The following SYN2 variants were observed in gnomAD, a reference collection of about 807,000 sequenced individuals.
The protein encoded by SYN2 is synapsin II.
SYN2 carries 19 observed loss-of-function variants against 50.9 expected under a neutral mutation model. That is an observed-to-expected ratio of 0.37 (90% CI 0.26 to 0.55). The LOEUF is 0.55. SYN2 is among the 20% of genes least tolerant of loss of function. SYN2 has a pLI of 0.81. For synonymous variants in SYN2, 255 were observed against 224.9 expected (o/e 1.13, Z -1.20); for missense variants, 587 against 576.4 (o/e 1.02, Z -0.19).
intron 1 of SYN2, among the ~76,000 whole-genome samples, chr3:12,084,936 C>T (rs1474912633): frequency 6.6e-6 from 1 of 151,436 alleles, no homozygotes; most frequent in Non-Finnish European, 1.5e-5. Context: ...TGCAGGAAAT[C>T]ATTAAATCAC....
At chr3:12,070,688 T>G (rs190135490) in intron 1 of SYN2, 2 of 1,116,048 alleles carry the variant, frequency 1.8e-6, no homozygotes, top group Non-Finnish European at 2.6e-6. Flanking sequence ...CCACTGGCAT[T>G]GTTAATGGAC....
Position 12,056,907 on chromosome 3 carries a change from C to T in SYN2, c.377+51979C>T, listed in dbSNP as rs920463974. Among the ~76,000 whole-genome samples the T allele has an allele frequency of 3.3e-5, 5 of 152,022 alleles. No individual in the cohort carries two copies. The South Asian group carries it at 8.3e-4, about 25-fold the overall frequency. On this transcript the variant is annotated intron_variant, in intron 1 of 12. Coordinates refer to ENST00000621198, the MANE Select transcript of SYN2 (RefSeq NM_133625.6). ...TATATGGAAACATGTATATTCTCAC[C>T]CTCTCAACTAATCTGTTATATAAAA...
chr3:12,137,757 A>G (rs1452726948), intron 1 of SYN2, among the ~76,000 whole-genome samples: 2 of 152,236 alleles, frequency 1.3e-5, no homozygotes, highest in East Asian at 1.9e-4. Context: ...TGAAGCATAT[A>G]TGTATGCAGG....
At chr3:12,146,618 A>G (rs1372810684) in intron 4 of SYN2, among the ~76,000 whole-genome samples, 2 of 152,238 alleles carry the variant, frequency 1.3e-5, no homozygotes, top group Non-Finnish European at 2.9e-5. Flanking sequence ...GGATTTCTCT[A>G]CATCCCACTG....
chr3:12,052,866 T>C (rs2125156423), intron 1 of SYN2, among the ~76,000 whole-genome samples: 1 of 152,332 alleles, frequency 6.6e-6, no homozygotes, highest in Middle Eastern at 3.4e-3. Context: ...GTTAGGAGAT[T>C]TGAACTCACA....
At chr3:12,147,433 G>T (rs1047905400) in intron 4 of SYN2, among the ~76,000 whole-genome samples, 11 of 152,168 alleles carry the variant, frequency 7.2e-5, no homozygotes, top group Non-Finnish European at 1.5e-4. Context: ...CTTCTGCGTG[G>T]CCTGAGGCAT....
intron 4 of SYN2, among the ~76,000 whole-genome samples, chr3:12,146,982 C>T (rs1460321359): frequency 6.6e-6 from 1 of 152,182 alleles, no homozygotes; most frequent in Non-Finnish European, 1.5e-5. Context: ...GTGAGGCCCC[C>T]TTCCCCCAGG....
At chr3:12,074,251 A>G (rs1695423519) in intron 1 of SYN2, among the ~76,000 whole-genome samples, 1 of 152,170 alleles carries the variant, frequency 6.6e-6, no homozygotes, top group African/African-American at 2.4e-5. Context: ...AAAACAGCCT[A>G]TAAATGAATT....
Position 12,168,417 on chromosome 3 carries a change from G to A in SYN2, c.1097G>A (p.Gly366Asp). Residue 366 changes from glycine (G) to aspartate (D), a missense_variant, in exon 9 of 13, where the codon GGC becomes GAC. Gly to Asp is a moderately conservative substitution (Grantham distance 94). Coordinates refer to ENST00000621198, the MANE Select transcript of SYN2 (RefSeq NM_133625.6). ...GACACCTGCTCTGAGATGTTTGGCG[G>A]CCTGGACATCTGTGCTGTCAAAGCT... The part of the protein sequence containing the change: ...WVDTCSEMFG[G>D]LDICAVKAVH... 1 of 1,613,996 alleles carries A rather than the reference G, an allele frequency of 6.2e-7. No individual in the cohort carries two copies. The highest frequency in any genetic ancestry group is 2.2e-5 in the East Asian group (1 of 44,878).
chr3:12,143,248 A>G (rs1435375328), intron 3 of SYN2, among the ~76,000 whole-genome samples: 2 of 152,156 alleles, frequency 1.3e-5, no homozygotes, highest in Non-Finnish European at 2.9e-5. Flanking sequence ...CTGGGACACA[A>G]GAAGGTCAGA....
At chr3:12,064,984 A>G (rs1184642090) in intron 1 of SYN2, among the ~76,000 whole-genome samples, 1 of 152,202 alleles carries the variant, frequency 6.6e-6, no homozygotes, top group African/African-American at 2.4e-5. Flanking sequence ...CAACTGTTAA[A>G]TGGGTAAACA....
chr3:12,092,757 T>G (rs758090007), intron 1 of SYN2, among the ~76,000 whole-genome samples: 1 of 152,204 alleles, frequency 6.6e-6, no homozygotes, highest in Non-Finnish European at 1.5e-5. Flanking sequence ...TTTTGTATAG[T>G]TGGTACACAA....
At chr3:12,040,998 T>C (rs1694599703) in intron 1 of SYN2, among the ~76,000 whole-genome samples, 1 of 152,212 alleles carries the variant, frequency 6.6e-6, no homozygotes, top group African/African-American at 2.4e-5. Context: ...ATTTTGTTTC[T>C]ACTTCTCAGA....
chr3:12,183,597 G>C, intron 11 of SYN2: 4 of 1,474,036 alleles, frequency 2.7e-6, no homozygotes, highest in Non-Finnish European at 3.6e-6. Flanking sequence ...CAGCTCCTCT[G>C]TCTGGTTGTT....
intron 1 of SYN2, among the ~76,000 whole-genome samples, chr3:12,015,249 G>C (rs1694002823): frequency 6.6e-6 from 1 of 152,126 alleles, no homozygotes; most frequent in African/African-American, 2.4e-5. Flanking sequence ...ATTTGTGTTA[G>C]AAACCACAAT....
At chr3:12,153,779 G>C (rs775316237) in intron 5 of SYN2, 141 of 1,551,650 alleles carry the variant, frequency 9.1e-5, no homozygotes, top group Middle Eastern at 3.4e-4. Flanking sequence ...CTGCCTTTCA[G>C]ATTCCTACGT....
Position 12,190,555 on chromosome 3 carries a change from A to T in SYN2, c.1679A>T (p.Asn560Ile). Reference sequence around the variant, plus strand: ...TCCTCCTTCTTCCGGTCTTCAGCCAATGAGGATGAAGCCAAAGCAGAGACC... The same window carrying T: ...TCCTCCTTCTTCCGGTCTTCAGCCATTGAGGATGAAGCCAAAGCAGAGACC... ...SESSFFRSSA[N>I]EDEAKAETIR... Residue 560 changes from asparagine (N) to isoleucine (I), a missense_variant, in exon 13 of 13, where the codon AAT becomes ATT. Transcript: ENST00000621198. The T allele has an allele frequency of 6.2e-7, 1 of 1,613,434 alleles. No homozygotes were observed. Among genetic ancestry groups the T allele is most frequent in the South Asian group, 1.1e-5 (1 of 90,964 alleles).
At position 12,080,771 on chromosome 3, in the gene SYN2, T is replaced by C. The variant is rs1245899241; in HGVS notation, c.378-59880T>C. Among the ~76,000 whole-genome samples, 6 of 152,214 alleles carry C rather than the reference T, an allele frequency of 3.9e-5. No individual in the cohort carries two copies. In the East Asian group the frequency reaches 1.2e-3, roughly 29 times the overall value. Reference sequence around the variant, plus strand: ...GTGCCATGTGGCACTGAGAAGAATGTGTATTCTGTTGTTTTGGGGTGGAGA... The same window carrying C: ...GTGCCATGTGGCACTGAGAAGAATGCGTATTCTGTTGTTTTGGGGTGGAGA... On this transcript the variant is annotated intron_variant, in intron 1 of 12. Transcript: ENST00000621198.
At chr3:12,108,354 G>A (rs1696242930) in intron 1 of SYN2, among the ~76,000 whole-genome samples, 1 of 152,188 alleles carries the variant, frequency 6.6e-6, no homozygotes, top group African/African-American at 2.4e-5. Flanking sequence ...AAGCGTGGAT[G>A]AAAATAACGC....
Sources: gnomAD v4.1 joint callset for allele counts (sites outside exome capture counted in the v4.1 genomes callset) on GRCh38, gnomAD v4.1.1 for gene constraint, MANE v1.5 for transcripts, NCBI Gene and HGNC (gene_info 2026-07-23, HGNC 2026-07-21) for gene names.